The following ABCC9 variants were observed in gnomAD, a reference collection of about 807,000 sequenced individuals.
ABCC9 encodes ATP-binding cassette sub-family C member 9.
In ABCC9, 95 loss-of-function variants were observed where a neutral mutation model predicts 188.3. The observed-to-expected ratio is 0.50, with a 90% confidence interval of 0.43 to 0.60. ABCC9 has a LOEUF of 0.60. Ranked by LOEUF, ABCC9 falls within the 20% of genes least tolerant of loss-of-function variation. ABCC9 has a pLI of 0.00. For missense variants in ABCC9, 1,102 were observed against 1,876.3 expected (o/e 0.59, Z 7.62); for synonymous variants, 659 against 652.7 (o/e 1.01, Z -0.15).
intron 30 of ABCC9, among the ~76,000 whole-genome samples, chr12:21,829,303 A>G (rs565465961): frequency 9.4e-5 from 13 of 137,656 alleles, no homozygotes; most frequent in Admixed American, 2.6e-4. Context: ...CCGGGCTCAC[A>G]CCATTCTTCT....
chr12:21,936,641 A>T lies in ABCC9; in HGVS notation c.34T>A (p.Ser12Thr). The T allele has an allele frequency of 6.2e-7, 1 of 1,611,452 alleles. No homozygotes were observed. Among genetic ancestry groups the T allele is most frequent in the Non-Finnish European group, 8.5e-7 (1 of 1,177,718 alleles). The change falls in exon 3 of 40, where the codon TCA becomes ACA. Residue 12 changes from serine (S) to threonine (T), a missense_variant. Ser to Thr is a moderately conservative substitution (Grantham distance 58). Transcript: ENST00000261200. ...SLSFCGNNIS[S>T]YNINDGVLQN... ...AGTACACCATCGTTGATATTATATG[A>T]AGAAATGTTGTTACCACAAAATGAA...
At position 21,892,634 on chromosome 12, in the gene ABCC9, T is replaced by C. The variant is rs139989641; in HGVS notation, c.1802+1398A>G. ...GGCTTGAGCTCTAGACACTAACAGC[T>C]CTAGAACTGGTTGTTAATGAATGTC... On this transcript the variant is annotated intron_variant, in intron 14 of 39. Transcript: ENST00000261200. 2.0e-4 allele frequency among the ~76,000 whole-genome samples: 30 copies of C among 152,268 alleles called. No individual in the cohort carries two copies. The East Asian group carries it at 5.2e-3, about 26-fold the overall frequency.
chr12:21,915,267 A>ATATAC (rs774503903), intron 7 of ABCC9, among the ~76,000 whole-genome samples: 6 of 89,150 alleles, frequency 6.7e-5, no homozygotes, highest in South Asian at 4.6e-4. Flanking sequence ...GTGTGTATAT[A>ATATAC]ATGTGTATAT....
intron 35 of ABCC9, among the ~76,000 whole-genome samples, chr12:21,813,787 T>C (rs2137159887): frequency 6.6e-6 from 1 of 152,332 alleles, no homozygotes; most frequent in Non-Finnish European, 1.5e-5. Flanking sequence ...AGTTCCATGT[T>C]GTTGTTCATA....
intron 30 of ABCC9, among the ~76,000 whole-genome samples, chr12:21,836,400 G>A (rs1231804382): frequency 6.6e-6 from 1 of 152,168 alleles, no homozygotes; most frequent in Admixed American, 6.5e-5. Flanking sequence ...TGTTCCAACA[G>A]TACTGGACTC....
chr12:21,852,018 A>G (rs1263658923), intron 24 of ABCC9, 79 bp downstream of exon 24: 33 of 1,541,362 alleles, frequency 2.1e-5, no homozygotes, highest in Non-Finnish European at 2.9e-5. Context: ...GTAATTTTTT[A>G]AAAAGCATTC....
At chr12:21,873,891 G>C (rs1048623460) in intron 17 of ABCC9, among the ~76,000 whole-genome samples, 8 of 152,038 alleles carry the variant, frequency 5.3e-5, no homozygotes, top group African/African-American at 1.9e-4. Flanking sequence ...AAACTTAAAT[G>C]TCAGACCTGA....
chr12:21,910,741 A>T lies in ABCC9; in HGVS notation c.1164+85T>A, dbSNP rs77831506. 5.9e-3 allele frequency: 7,748 copies of T among 1,306,654 alleles called. 356 individuals are homozygous for T. The African/African-American group carries it at 0.1, about 17-fold the overall frequency. The allele number at this position is 1,306,654 out of a possible 1,614,324, so 80.9% of individuals were successfully genotyped here. On this transcript the variant is annotated intron_variant, in intron 9 of 39. Coordinates refer to ENST00000261200, the MANE Select transcript of ABCC9 (RefSeq NM_020297.4). Reference sequence around the variant, plus strand: ...ACCAAAATGAAAATGGAATGAAAAAACAAAACTGAAGCTACCGCTATTCTT... The same window carrying T: ...ACCAAAATGAAAATGGAATGAAAAATCAAAACTGAAGCTACCGCTATTCTT...
rs1174314931 is a variant in ABCC9 at position 21,841,347 on chromosome 12, C to CTTTTTTTTT, written c.3473+958_3473+966dup. Among the ~76,000 whole-genome samples the CTTTTTTTTT allele has an allele frequency of 1.5e-4, 3 of 19,602 alleles. 1 individual carries two copies. The highest frequency in any genetic ancestry group is 2.6e-4 in the African/African-American group (1 of 3,810). The allele number at this position is 19,602 out of a possible 152,430, so 12.9% of individuals were successfully genotyped here. On this transcript the variant is annotated intron_variant, in intron 29 of 39. Coordinates refer to ENST00000261200, the MANE Select transcript of ABCC9 (RefSeq NM_020297.4). Reference sequence around the variant, plus strand: ...TCTTTGGGATTATGTTTCTGGTTTCCTTTTTTTTTTTTTTTTTTTTTTTTT... The same window carrying CTTTTTTTTT: ...TCTTTGGGATTATGTTTCTGGTTTCCTTTTTTTTTTTTTTTTTTTTTTTTTTTTTTTTTT...
chr12:21,868,395 T>A (rs1945888248), intron 18 of ABCC9, among the ~76,000 whole-genome samples: 1 of 152,138 alleles, frequency 6.6e-6, no homozygotes, highest in Non-Finnish European at 1.5e-5. Context: ...ATCCCAACAC[T>A]TTGGGAGGCC....
chr12:21,812,249 G>A, intron 35 of ABCC9, 92 bp from the exon 36 acceptor site: 2 of 1,015,512 alleles, frequency 2.0e-6, no homozygotes, highest in Non-Finnish European at 3.0e-6. Context: ...CTTAGTTAGG[G>A]GTTGAAATTC....
Position 21,805,180 on chromosome 12 carries a change from G to C in ABCC9, c.4512+818C>G, listed in dbSNP as rs1941746190. ...TGCAATAGATCATGATGGTCTACTT[G>C]TTGGTCATCACCAAAGTGGAAAAGA... is the stretch of plus-strand genomic sequence containing the variant. On this transcript the variant is annotated intron_variant, in intron 39 of 39. Coordinates refer to ENST00000261200, the MANE Select transcript of ABCC9 (RefSeq NM_020297.4). The C allele has an allele frequency of 6.2e-7, 1 of 1,613,992 alleles. No homozygotes were observed. The highest frequency in any genetic ancestry group is 8.5e-7 in the Non-Finnish European group (1 of 1,179,934).
intron 22 of ABCC9, among the ~76,000 whole-genome samples, chr12:21,853,881 G>A (rs1330015483): frequency 4.6e-5 from 7 of 152,170 alleles, no homozygotes; most frequent in Admixed American, 2.0e-4. Context: ...AAAAATGGTG[G>A]ATGTTTCAGG....
At chr12:21,887,771 T>TTAATCTG (rs1344020139) in intron 15 of ABCC9, 55 bp downstream of exon 15, 11 of 1,129,638 alleles carry the variant, frequency 9.7e-6, no homozygotes, top group Non-Finnish European at 1.5e-5. Flanking sequence ...AATCTGTCCA[T>TTAATCTG]TCTGCTGAGA....
At chr12:21,857,253 G>C (rs1211387746) in intron 22 of ABCC9, among the ~76,000 whole-genome samples, 5 of 152,136 alleles carry the variant, frequency 3.3e-5, no homozygotes, top group Non-Finnish European at 7.4e-5. Flanking sequence ...CAGGGATTAA[G>C]AAAAGTTATA....
intron 7 of ABCC9, among the ~76,000 whole-genome samples, chr12:21,915,322 T>TATATACATGTGTATATATATATA (rs1948518120): frequency 8.8e-6 from 1 of 113,808 alleles, no homozygotes; most frequent in Non-Finnish European, 1.9e-5. Context: ...AATGTGTATA[T>TATATACATGTGTATATATATATA]ATGTGTGTAT....
chr12:21,842,334 T>C lies in ABCC9; in HGVS notation c.3453A>G (p.Lys1151=), dbSNP rs1944434669. 1 of 1,613,942 alleles carries C rather than the reference T, an allele frequency of 6.2e-7. No individual in the cohort carries two copies. The highest frequency in any genetic ancestry group is 2.2e-5 in the East Asian group (1 of 44,852). The change falls in exon 29 of 40, where the codon AAA becomes AAG. Residue 1151 remains lysine (K), a synonymous_variant. Coordinates refer to ENST00000261200, the MANE Select transcript of ABCC9 (RefSeq NM_020297.4). ...PLGVAFYFIQ[K]YFRVASKDLQ... is the part of the protein sequence containing the mutation. ...CTTACTTAGAGGCAACCCGAAAGTA[T>C]TTCTGGATAAAATAAAAGGCAACAC...
intron 31 of ABCC9, among the ~76,000 whole-genome samples, chr12:21,826,796 C>A (rs549174092): frequency 3.1e-4 from 47 of 152,240 alleles, no homozygotes; most frequent in Admixed American, 7.8e-4. Flanking sequence ...ATGCCTGGAA[C>A]CTTGCAATAA....
Position 21,842,331 on chromosome 12 carries a change from G to C in ABCC9, c.3456C>G (p.Tyr1152Ter). ...TTACTTACTTAGAGGCAACCCGAAA[G>C]TATTTCTGGATAAAATAAAAGGCAA... ...LGVAFYFIQK[Y>*]FRVASKDLQE... is the part of the protein sequence containing the mutation. The change falls in exon 29 of 40, where the codon TAC becomes TAG. Residue 1152 changes from tyrosine (Y) to a stop codon, truncating the protein, a stop_gained. Transcript: ENST00000261200. LOFTEE classifies it high-confidence loss of function. The C allele has an allele frequency of 6.2e-7, 1 of 1,614,014 alleles. No individual in the cohort carries two copies. Among genetic ancestry groups the C allele is most frequent in the Non-Finnish European group, 8.5e-7 (1 of 1,179,936 alleles).
Sources: gnomAD v4.1 joint callset for allele counts (sites outside exome capture counted in the v4.1 genomes callset) on GRCh38, gnomAD v4.1.1 for gene constraint, MANE v1.5 for transcripts, NCBI Gene and HGNC (gene_info 2026-07-23, HGNC 2026-07-21) for gene names.